Variants in CTNNA2 observed in about 807,000 individuals in gnomAD.
The protein encoded by CTNNA2 is catenin alpha-2.
CTNNA2 carries 42 observed loss-of-function variants against 101.0 expected under a neutral mutation model. The ratio of observed to expected loss-of-function variants is 0.42; its 90% CI spans 0.32 to 0.54. The LOEUF is 0.54. Ranked by LOEUF, CTNNA2 falls within the 20% of genes least tolerant of loss-of-function variation. The pLI, the probability that CTNNA2 is intolerant of heterozygous loss-of-function variation, is 0.14. For synonymous variants in CTNNA2, 450 were observed against 456.4 expected (o/e 0.99, Z 0.18); for missense variants, 871 against 1,223.1 (o/e 0.71, Z 4.29).
chr2:80,374,067 A>C (rs1675698627), intron 7 of CTNNA2, among the ~76,000 whole-genome samples: 1 of 152,100 alleles, frequency 6.6e-6, no homozygotes, highest in Non-Finnish European at 1.5e-5. Context: ...TTTAAAAAAA[A>C]AAAAGATTTC....
At chr2:80,563,924 A>C (rs1417526855) in intron 12 of CTNNA2, among the ~76,000 whole-genome samples, 1 of 152,112 alleles carries the variant, frequency 6.6e-6, no homozygotes, top group Non-Finnish European at 1.5e-5. Context: ...CCATCTTAGT[A>C]CCTGAGGCAT....
At chr2:80,300,511 A>C (rs941495851) in intron 7 of CTNNA2, among the ~76,000 whole-genome samples, 3 of 152,084 alleles carry the variant, frequency 2.0e-5, no homozygotes, top group Admixed American at 2.0e-4. Context: ...GCATTTCAAA[A>C]AGCTGATTTT....
chr2:80,548,986 GT>G (rs1692330411), intron 11 of CTNNA2, among the ~76,000 whole-genome samples: 3 of 152,172 alleles, frequency 2.0e-5, no homozygotes, highest in African/African-American at 7.2e-5. Context: ...AAAGATTGTA[GT>G]TTTTTTAATG....
At chr2:79,276,944 GCA>G (rs1444696619) in intron 2 of CTNNA2, among the ~76,000 whole-genome samples, 1 of 152,026 alleles carries the variant, frequency 6.6e-6, no homozygotes, top group African/African-American at 2.4e-5. Flanking sequence ...GCATAGATGT[GCA>G]CACACACACA....
chr2:79,764,408 C>T (rs1672999989), intron 3 of CTNNA2, among the ~76,000 whole-genome samples: 1 of 152,120 alleles, frequency 6.6e-6, no homozygotes, highest in Admixed American at 6.6e-5. Flanking sequence ...TTTGTTTTTA[C>T]ATTAGCAATA....
intron 7 of CTNNA2, among the ~76,000 whole-genome samples, chr2:80,273,378 A>T (rs1013896144): frequency 6.6e-6 from 1 of 152,164 alleles, no homozygotes; most frequent in Non-Finnish European, 1.5e-5. Context: ...AAGCTGGTCC[A>T]GGACACCATC....
chr2:79,595,053 T>C (rs1240061857), intron 1 of CTNNA2, among the ~76,000 whole-genome samples: 3 of 152,160 alleles, frequency 2.0e-5, no homozygotes, highest in Non-Finnish European at 4.4e-5. Flanking sequence ...TAGATGACTG[T>C]GACATTCAAG....
At chr2:79,870,798 T>C (rs546093544) in intron 5 of CTNNA2, among the ~76,000 whole-genome samples, 4 of 152,150 alleles carry the variant, frequency 2.6e-5, no homozygotes, top group Non-Finnish European at 4.4e-5. Context: ...GGGAACTCAC[T>C]CACTATCACG....
At chr2:80,466,306 G>A (rs561215209) in intron 9 of CTNNA2, among the ~76,000 whole-genome samples, 18 of 152,216 alleles carry the variant, frequency 1.2e-4, no homozygotes, top group South Asian at 8.3e-4. Flanking sequence ...ATGCAAAAGC[G>A]TGCCTGTTTC....
intron 2 of CTNNA2, among the ~76,000 whole-genome samples, chr2:79,671,647 G>A (rs1258399594): frequency 6.6e-6 from 1 of 152,186 alleles, no homozygotes; most frequent in Non-Finnish European, 1.5e-5. Context: ...ATAATGCCTG[G>A]GAACCTCTTA....
intron 1 of CTNNA2, among the ~76,000 whole-genome samples, chr2:79,514,980 A>C (rs144295395): frequency 8.9e-4 from 135 of 152,328 alleles, no homozygotes; most frequent in Non-Finnish European, 1.5e-3. Flanking sequence ...GTTGAGATGA[A>C]GAGAATTGCC....
At chr2:80,265,572 G>A (rs1419395458) in intron 7 of CTNNA2, among the ~76,000 whole-genome samples, 1 of 152,158 alleles carries the variant, frequency 6.6e-6, no homozygotes, top group South Asian at 2.1e-4. Context: ...AAACCTGAGA[G>A]GTGACATAGA....
intron 9 of CTNNA2, among the ~76,000 whole-genome samples, chr2:80,459,762 T>G (rs1684274066): frequency 6.6e-6 from 1 of 152,148 alleles, no homozygotes; most frequent in Non-Finnish European, 1.5e-5. Flanking sequence ...AAAATCTGTC[T>G]TGGAGATGAT....
intron 1 of CTNNA2, among the ~76,000 whole-genome samples, chr2:79,531,855 T>C (rs1233573203): frequency 2.6e-5 from 4 of 152,060 alleles, no homozygotes; most frequent in African/African-American, 9.7e-5. Flanking sequence ...CTAATTTTTG[T>C]ATTTTTAGCA....
chr2:80,287,194 A>C (rs1296902189), intron 7 of CTNNA2, among the ~76,000 whole-genome samples: 1 of 152,084 alleles, frequency 6.6e-6, no homozygotes, highest in African/African-American at 2.4e-5. Context: ...CATCATGAAA[A>C]TTTTACTGAG....
chr2:79,850,514 T>C (rs1055478854), intron 3 of CTNNA2, among the ~76,000 whole-genome samples: 1 of 151,990 alleles, frequency 6.6e-6, no homozygotes, highest in African/African-American at 2.4e-5. Context: ...AATTTACTAG[T>C]CTTCAACTCC....
intron 7 of CTNNA2, among the ~76,000 whole-genome samples, chr2:80,300,673 C>T (rs994288358): frequency 3.3e-5 from 5 of 152,014 alleles, no homozygotes; most frequent in East Asian, 1.9e-4. Context: ...CTTTAGTGTC[C>T]GTTAGAGAGG....
chr2:79,880,653 C>T (rs567711506), intron 6 of CTNNA2, among the ~76,000 whole-genome samples: 9 of 152,166 alleles, frequency 5.9e-5, no homozygotes, highest in African/African-American at 2.2e-4. Flanking sequence ...TCTGTGGGGT[C>T]AATGGTGATA....
chr2:80,576,806 A>AAAAAAG (rs1242294543), intron 13 of CTNNA2, among the ~76,000 whole-genome samples: 1 of 150,824 alleles, frequency 6.6e-6, no homozygotes, highest in East Asian at 1.9e-4. Flanking sequence ...AAAAAAAAAA[A>AAAAAAG]AATACAAAAA....
Sources: gnomAD v4.1 joint callset for allele counts (sites outside exome capture counted in the v4.1 genomes callset) on GRCh38, gnomAD v4.1.1 for gene constraint, MANE v1.5 for transcripts, NCBI Gene and HGNC (gene_info 2026-07-23, HGNC 2026-07-21) for gene names.